Variants in FAM184B observed in about 807,000 individuals in gnomAD.
FAM184B encodes the protein family with sequence similarity 184 member B.
A neutral mutation model predicts 135.9 loss-of-function variants in FAM184B; 111 were observed. That is an observed-to-expected ratio of 0.82 (90% confidence interval 0.70 to 0.96). The LOEUF (loss-of-function observed/expected upper bound fraction) is 0.96. FAM184B is among the 40% of genes least tolerant of loss of function. FAM184B has a pLI of 0.00. For missense variants in FAM184B, 1,375 were observed against 1,323.9 expected (o/e 1.04, Z -0.60); for synonymous variants, 552 against 524.8 (o/e 1.05, Z -0.71).
At chr4:17,763,677 C>T (rs1292028536) in intron 1 of FAM184B, among the ~76,000 whole-genome samples, 1 of 152,146 alleles carries the variant, frequency 6.6e-6, no homozygotes, top group Non-Finnish European at 1.5e-5. Context: ...AGCCCACAGC[C>T]CTAATGGACT....
chr4:17,770,154 A>G (rs1452692844), intron 1 of FAM184B, among the ~76,000 whole-genome samples: 1 of 152,228 alleles, frequency 6.6e-6, no homozygotes, highest in East Asian at 1.9e-4. Context: ...AGGTGAATAC[A>G]TTTTCTTCTA....
intron 10 of FAM184B, among the ~76,000 whole-genome samples, chr4:17,657,067 T>C (rs1410423312): frequency 2.0e-5 from 3 of 152,236 alleles, no homozygotes; most frequent in African/African-American, 7.2e-5. Flanking sequence ...ATTGAGAATA[T>C]GTAAATATTA....
intron 1 of FAM184B, among the ~76,000 whole-genome samples, chr4:17,766,116 G>A (rs1022922766): frequency 6.6e-6 from 1 of 152,212 alleles, no homozygotes; most frequent in African/African-American, 2.4e-5. Flanking sequence ...AGATTGGGAA[G>A]GTAACCTAAC....
chr4:17,665,897 C>CT (rs1716037035), intron 7 of FAM184B, among the ~76,000 whole-genome samples: 1 of 134,670 alleles, frequency 7.4e-6, no homozygotes, highest in Non-Finnish European at 1.7e-5. Flanking sequence ...CTCCTCCCCC[C>CT]GCCCCCCAGT....
chr4:17,688,472 T>C lies in FAM184B; in HGVS notation c.1548A>G (p.Glu516=). Residue 516 remains glutamate (E), a synonymous_variant, in exon 7 of 18, where the codon GAA becomes GAG. Transcript: ENST00000265018. The part of the protein sequence containing the change: ...QNKTRPTGAE[E]SPQELGRQHC... ...GCTGGCGGCCTAATTCCTGGGGACTTTCCTCAGCTCCTGTGGGGCGTGTCT... is the reference window on the plus strand; with the variant it reads ...GCTGGCGGCCTAATTCCTGGGGACTCTCCTCAGCTCCTGTGGGGCGTGTCT... 6.4e-7 allele frequency: 1 copy of C among 1,551,290 alleles called. No homozygotes were observed. Among genetic ancestry groups the C allele is most frequent in the South Asian group, 1.2e-5 (1 of 84,004 alleles).
intron 14 of FAM184B, 124 bp from the exon 15 acceptor site, chr4:17,636,769 G>C: frequency 1.3e-6 from 1 of 781,956 alleles, no homozygotes; most frequent in Non-Finnish European, 2.0e-6. Context: ...CCAGATAGCA[G>C]CAGCGGCTTG....
intron 1 of FAM184B, among the ~76,000 whole-genome samples, chr4:17,754,317 C>T (rs757567544): frequency 2.0e-5 from 3 of 152,062 alleles, no homozygotes; most frequent in Admixed American, 6.5e-5. Flanking sequence ...TTTGGGAGGC[C>T]GAGGCAGGTA....
chr4:17,669,153 AGTGAG>A (rs768680918), intron 7 of FAM184B, among the ~76,000 whole-genome samples: 1 of 152,212 alleles, frequency 6.6e-6, no homozygotes, highest in Non-Finnish European at 1.5e-5. Context: ...CACAGGGCCC[AGTGAG>A]GTTGGTTCAT....
At chr4:17,772,719 G>A (rs58788796) in intron 1 of FAM184B, among the ~76,000 whole-genome samples, 2,143 of 152,244 alleles carry the variant, frequency 0.014, 59 homozygotes, top group African/African-American at 0.049. Flanking sequence ...AACTATCACC[G>A]TTTTATCAAC....
intron 14 of FAM184B, among the ~76,000 whole-genome samples, chr4:17,638,215 TTCTC>T (rs1046509520): frequency 1.3e-5 from 2 of 149,592 alleles, no homozygotes; most frequent in Non-Finnish European, 3.0e-5. Context: ...GAGACAGAGT[TTCTC>T]TCTCTGTAGC....
intron 11 of FAM184B, among the ~76,000 whole-genome samples, chr4:17,650,975 CCT>C (rs1715600188): frequency 6.6e-6 from 1 of 152,056 alleles, no homozygotes; most frequent in South Asian, 2.1e-4. Context: ...CTCACGTGAT[CCT>C]CTCTCACCTT....
chr4:17,669,751 G>A (rs1446517361), intron 7 of FAM184B, among the ~76,000 whole-genome samples: 5 of 152,152 alleles, frequency 3.3e-5, no homozygotes, highest in Non-Finnish European at 7.3e-5. Flanking sequence ...TATATAATGG[G>A]AGATTTTAAT....
chr4:17,747,461 G>A (rs1390608765), intron 1 of FAM184B, among the ~76,000 whole-genome samples: 1 of 152,116 alleles, frequency 6.6e-6, no homozygotes, highest in Non-Finnish European at 1.5e-5. Context: ...GTCTGGAGAA[G>A]AGCTCTCTTA....
intron 1 of FAM184B, among the ~76,000 whole-genome samples, chr4:17,709,934 G>A (rs568706520): frequency 2.3e-4 from 35 of 152,290 alleles, no homozygotes; most frequent in African/African-American, 8.4e-4. Context: ...GTAGTACAGT[G>A]GGAATCCACG....
intron 3 of FAM184B, among the ~76,000 whole-genome samples, chr4:17,707,007 C>T (rs923808042): frequency 2.0e-5 from 3 of 152,074 alleles, no homozygotes; most frequent in African/African-American, 4.8e-5. Context: ...AGGCTGGTCT[C>T]GAACTCCTGA....
intron 12 of FAM184B, among the ~76,000 whole-genome samples, chr4:17,646,082 G>A (rs2108933354): frequency 6.6e-6 from 1 of 152,284 alleles, no homozygotes; most frequent in Non-Finnish European, 1.5e-5. Context: ...GGAAACAACA[G>A]GTGCTGGAGA....
chr4:17,634,081 T>C (rs1051499514), intron 16 of FAM184B, 193 bp from the exon 17 acceptor site: 3 of 446,590 alleles, frequency 6.7e-6, no homozygotes, highest in Non-Finnish European at 1.1e-5. Flanking sequence ...AATAAATATG[T>C]ATGTTCACAA....
chr4:17,645,971 G>T (rs1251842519), intron 12 of FAM184B, among the ~76,000 whole-genome samples: 3 of 152,072 alleles, frequency 2.0e-5, no homozygotes, highest in African/African-American at 7.2e-5. Flanking sequence ...AAAGACACAT[G>T]AAAAAAATGC....
rs111636257 is a variant in FAM184B, at chr4:17,707,988, TA to T, written c.895-205del. Reference sequence around the variant, plus strand: ...GTGAGGATTAAATGAGATAAAGTGGTAAAAAAAAAATGCTCAGGGAGTGTTA... The same window carrying T: ...GTGAGGATTAAATGAGATAAAGTGGTAAAAAAAAATGCTCAGGGAGTGTTA... On this transcript the variant is annotated intron_variant, in intron 2 of 17. Transcript: ENST00000265018. Among the ~76,000 whole-genome samples, 621 of 148,938 alleles carry T rather than the reference TA, an allele frequency of 4.2e-3. 6 individuals are homozygous for T. The highest frequency in any genetic ancestry group is 0.013 in the African/African-American group (540 of 40,700).
Sources: gnomAD v4.1 joint callset for allele counts (sites outside exome capture counted in the v4.1 genomes callset) on GRCh38, gnomAD v4.1.1 for gene constraint, MANE v1.5 for transcripts, NCBI Gene and HGNC (gene_info 2026-07-23, HGNC 2026-07-21) for gene names.